HAO1: variants seen among roughly 807,000 people sequenced by gnomAD.
The protein encoded by HAO1 is hydroxyacid oxidase 1, also known as 2-Hydroxyacid oxidase 1.
HAO1 carries 34 observed loss-of-function variants against 39.7 expected under a neutral mutation model. That is an observed-to-expected ratio of 0.86 (90% CI 0.65 to 1.14). The LOEUF is 1.14. Among genes scored for constraint, HAO1 ranks in the 50% most tolerant of loss-of-function variants. The pLI is 0.00. For synonymous variants in HAO1, 172 were observed against 173.2 expected (o/e 0.99, Z 0.05); for missense variants, 479 against 464.5 (o/e 1.03, Z -0.29).
chr20:7,913,891 G>A (rs770114554), intron 3 of HAO1, among the ~76,000 whole-genome samples: 1 of 152,146 alleles, frequency 6.6e-6, no homozygotes, highest in Non-Finnish European at 1.5e-5. Context: ...CTGCTGCTTG[G>A]GCAAAATTCA....
intron 5 of HAO1, among the ~76,000 whole-genome samples, chr20:7,889,902 C>T (rs550817205): frequency 7.2e-5 from 11 of 152,250 alleles, no homozygotes; most frequent in East Asian, 1.9e-4. Flanking sequence ...ACTCCCATTT[C>T]GGTGCTCTTC....
At chr20:7,937,129 C>T (rs932431293) in intron 1 of HAO1, among the ~76,000 whole-genome samples, 4 of 152,028 alleles carry the variant, frequency 2.6e-5, no homozygotes, top group Non-Finnish European at 4.4e-5. Context: ...GGAATTTTGG[C>T]CCACCCTCAC....
intron 4 of HAO1, among the ~76,000 whole-genome samples, chr20:7,903,956 T>G (rs1357238789): frequency 6.6e-6 from 1 of 152,012 alleles, no homozygotes; most frequent in Non-Finnish European, 1.5e-5. Context: ...CCAAAATATT[T>G]TTCAACATAA....
At chr20:7,886,711 T>C (rs996073806) in intron 5 of HAO1, among the ~76,000 whole-genome samples, 4 of 152,208 alleles carry the variant, frequency 2.6e-5, no homozygotes, top group Non-Finnish European at 5.9e-5. Flanking sequence ...AAGATCTTGG[T>C]CTTGATTGGC....
chr20:7,935,042 A>T (rs965075028), intron 1 of HAO1, among the ~76,000 whole-genome samples: 1 of 152,196 alleles, frequency 6.6e-6, no homozygotes, highest in African/African-American at 2.4e-5. Flanking sequence ...ACAACCACTG[A>T]TGCATTTTTT....
chr20:7,908,706 T>G (rs2050261170), intron 3 of HAO1, among the ~76,000 whole-genome samples: 1 of 152,206 alleles, frequency 6.6e-6, no homozygotes, highest in African/African-American at 2.4e-5. Context: ...GTCATATGGA[T>G]GCCCATCTAG....
In HAO1 at chr20:7,885,738, C is replaced by G; in HGVS notation, c.940G>C (p.Gly314Arg). The change falls in exon 6 of 8, where the codon GGG becomes CGG. Residue 314 changes from glycine (G) to arginine (R), a missense_variant. Gly to Arg is a moderately radical substitution (Grantham distance 125). Coordinates refer to ENST00000378789, the MANE Select transcript of HAO1 (RefSeq NM_017545.3). ...LALGAKAVFV[G>R]RPIVWGLAFQ... is the part of the protein sequence containing the mutation. ...GCTAAGCCCCAAACGATTGGTCTCC[C>G]CACAAACACAGCCTTGGCGCCAAGA... 2 of 1,613,742 alleles carry G rather than the reference C, an allele frequency of 1.2e-6. No homozygotes were observed. The highest frequency in any genetic ancestry group is 1.7e-6 in the Non-Finnish European group (2 of 1,179,708).
At chr20:7,899,193 T>C (rs2122760596) in intron 4 of HAO1, among the ~76,000 whole-genome samples, 1 of 152,018 alleles carries the variant, frequency 6.6e-6, no homozygotes, top group African/African-American at 2.4e-5. Flanking sequence ...TCGCTTGCTG[T>C]GTAAGTGGCA....
chr20:7,927,469 G>T (rs974230324), intron 2 of HAO1, among the ~76,000 whole-genome samples: 5 of 152,012 alleles, frequency 3.3e-5, no homozygotes, highest in Non-Finnish European at 5.9e-5. Context: ...AATATTATAA[G>T]ATTTACAACT....
intron 4 of HAO1, among the ~76,000 whole-genome samples, chr20:7,900,009 G>A (rs1030858924): frequency 6.6e-6 from 1 of 152,018 alleles, no homozygotes; most frequent in Admixed American, 6.6e-5. Flanking sequence ...TACTCAAAAC[G>A]TAAGTACTCA....
At chr20:7,886,615 A>C (rs949085455) in intron 5 of HAO1, among the ~76,000 whole-genome samples, 12 of 152,172 alleles carry the variant, frequency 7.9e-5, no homozygotes, top group African/African-American at 2.9e-4. Context: ...TTCTCATCCA[A>C]AATATTTTGC....
intron 4 of HAO1, among the ~76,000 whole-genome samples, chr20:7,895,647 G>A (rs2050193971): frequency 6.6e-6 from 1 of 150,792 alleles, no homozygotes; most frequent in African/African-American, 2.4e-5. Context: ...ACAGGCAGTG[G>A]ACAAACCTAT....
chr20:7,902,282 G>A (rs116364426), intron 4 of HAO1, among the ~76,000 whole-genome samples: 125 of 152,280 alleles, frequency 8.2e-4, no homozygotes, highest in African/African-American at 2.9e-3. Context: ...GTTAATCGAT[G>A]CATCAAACTT....
At chr20:7,917,237 G>A (rs1268899838) in intron 2 of HAO1, among the ~76,000 whole-genome samples, 2 of 150,694 alleles carry the variant, frequency 1.3e-5, no homozygotes, top group African/African-American at 4.9e-5. Context: ...CTACTCAGGC[G>A]ACTGAAGCAC....
chr20:7,883,477 C>T lies in HAO1; in HGVS notation c.*116G>A. ...TTGCTATTTTGTTGGAAAAGAACGA[C>T]ACCCTTTGTATTGAAGTGGGGAATT... On this transcript the variant is annotated 3_prime_UTR_variant, in exon 8 of 8. Coordinates refer to ENST00000378789, the MANE Select transcript of HAO1 (RefSeq NM_017545.3). 1 of 781,358 alleles carries T rather than the reference C, an allele frequency of 1.3e-6. No homozygotes were observed. Among genetic ancestry groups the T allele is most frequent in the Non-Finnish European group, 2.3e-6 (1 of 440,480 alleles). 48.4% of individuals were successfully genotyped at this position (781,358 alleles called of 1,614,324 possible). A position where few individuals can be genotyped will look rare whatever the true frequency, so the allele number is the denominator to read the frequency against.
At chr20:7,914,532 G>T in intron 2 of HAO1, 113 bp from the exon 3 acceptor site, 2 of 1,111,914 alleles carry the variant, frequency 1.8e-6, no homozygotes, top group Non-Finnish European at 2.6e-6. Flanking sequence ...GCAATATGAA[G>T]TCAAATCTCT....
Position 7,900,183 on chromosome 20 carries a change from C to T in HAO1, c.722-4959G>A, listed in dbSNP as rs191620853. On this transcript the variant is annotated intron_variant, in intron 4 of 7. Transcript: ENST00000378789. ...ATCTTGAACAATGTATACAGGCATA[C>T]CTTGTTTTATTGCACTTTGCTTTAT... Among the ~76,000 whole-genome samples the T allele has an allele frequency of 4.4e-3, 676 of 152,136 alleles. 2 individuals carry two copies. Among genetic ancestry groups the T allele is most frequent in the African/African-American group, 0.015 (632 of 41,508 alleles).
rs118150727 is a variant in HAO1 at position 7,939,486 on chromosome 20, A to G, written c.137+800T>C. On this transcript the variant is annotated intron_variant, in intron 1 of 7. Transcript: ENST00000378789. ...TTTCTGCCTTTTTGTCTTTATCACCATCAATGAGTACCCACAATACCGATT... is the reference window on the plus strand; with the variant it reads ...TTTCTGCCTTTTTGTCTTTATCACCGTCAATGAGTACCCACAATACCGATT... 5.3e-4 allele frequency among the ~76,000 whole-genome samples: 80 copies of G among 152,336 alleles called. 1 individual carries two copies. The East Asian group carries it at 0.014, about 26-fold the overall frequency.
At chr20:7,908,922 C>T (rs554692764) in intron 3 of HAO1, among the ~76,000 whole-genome samples, 1 of 152,150 alleles carries the variant, frequency 6.6e-6, no homozygotes, top group Admixed American at 6.5e-5. Context: ...ATAATAAATT[C>T]CAAGCTTTTA....
Sources: allele counts gnomAD v4.1 joint callset (sites outside exome capture counted in the v4.1 genomes callset), GRCh38; gene constraint gnomAD v4.1.1; transcripts MANE v1.5; gene names NCBI Gene and HGNC (gene_info 2026-07-23, HGNC 2026-07-21).